The following RANBP17 variants were observed in gnomAD, a reference collection of about 807,000 sequenced individuals.
RANBP17 encodes ran-binding protein 17.
Under a neutral mutation model 141.2 loss-of-function variants are expected in RANBP17, and 158 were observed. The ratio of observed to expected loss-of-function variants is 1.12; its 90% CI spans 0.98 to 1.28. The LOEUF is 1.28. Among genes scored for constraint, RANBP17 ranks in the 50% most tolerant of loss-of-function variants. The probability of loss-of-function intolerance (pLI) is 0.00; values close to 1 mark genes in which losing one functional copy is unlikely to be tolerated. For missense variants in RANBP17, 1,438 were observed against 1,290.7 expected (o/e 1.11, Z -1.75); for synonymous variants, 430 against 450.0 (o/e 0.96, Z 0.56).
Position 171,213,802 on chromosome 5 carries a change from ACTTT to A in RANBP17, c.2339+69_2339+72del. ...ATTAGCGGAAATCTCCAACAGTCAG[ACTTT>A]CTTTTTTGGTTTGTGTCTTTCCAAG... On this transcript the variant is annotated intron_variant, in intron 21 of 27. Transcript: ENST00000523189. 3 of 1,247,858 alleles carry A rather than the reference ACTTT, an allele frequency of 2.4e-6. No individual in the cohort carries two copies. The Admixed American group carries it at 5.1e-5, about 21-fold the overall frequency. 77.3% of individuals were successfully genotyped at this position (1,247,858 alleles called of 1,614,324 possible).
Position 170,878,079 on chromosome 5 carries a change from AT to A in RANBP17, c.19-9del, listed in dbSNP as rs748957326. 8.5e-5 allele frequency: 129 copies of A among 1,514,718 alleles called. No individual in the cohort carries two copies. The highest frequency in any genetic ancestry group is 2.9e-4 in the South Asian group (22 of 76,088). The allele number at this position is 1,514,718 out of a possible 1,614,324, so 93.8% of individuals were successfully genotyped here. Reference sequence around the variant, plus strand: ...TTTTTTTCATTGAAGTAAAATGTTAATTTTTTTTTCTTTGAAGAGTTTGGCT... The same window carrying A: ...TTTTTTTCATTGAAGTAAAATGTTAATTTTTTTTCTTTGAAGAGTTTGGCT... On this transcript the variant is annotated splice_polypyrimidine_tract_variant and intron_variant, in intron 1 of 27. Coordinates refer to ENST00000523189, the MANE Select transcript of RANBP17 (RefSeq NM_022897.5).
In RANBP17 at chr5:170,968,272, C is replaced by T. The variant is rs959690504; in HGVS notation, c.1605C>T (p.Thr535=). ...TTCAGCTTATATCTTTAATGGATAC[C>T]GGATTGCCTCGATGTTGTAATGAGA... ...RVFQLISLMD[T]GLPRCCNEKI... The change falls in exon 14 of 28, where the codon ACC becomes ACT. Residue 535 remains threonine, a synonymous_variant. Transcript: ENST00000523189. 1.8e-5 allele frequency: 28 copies of T among 1,596,566 alleles called. No individual in the cohort carries two copies. Among genetic ancestry groups the T allele is most frequent in the African/African-American group, 1.1e-4 (8 of 73,764 alleles).
At chr5:171,163,325 T>C (rs754725491) in intron 14 of RANBP17, among the ~76,000 whole-genome samples, 43 of 152,222 alleles carry the variant, frequency 2.8e-4, no homozygotes, top group Non-Finnish European at 5.4e-4. Flanking sequence ...TCTCTTGTTA[T>C]GGTGATAAGT....
At chr5:171,171,983 A>G (rs1378587344) in intron 16 of RANBP17, among the ~76,000 whole-genome samples, 4 of 152,000 alleles carry the variant, frequency 2.6e-5, no homozygotes, top group African/African-American at 4.8e-5. Flanking sequence ...AGAGAGAATC[A>G]TGTAGATTTT....
intron 14 of RANBP17, among the ~76,000 whole-genome samples, chr5:171,162,192 C>T (rs975004866): frequency 6.6e-6 from 1 of 152,138 alleles, no homozygotes; most frequent in Non-Finnish European, 1.5e-5. Context: ...ATGGCTTTAT[C>T]CATAGAAGAC....
chr5:171,050,076 A>G (rs1163524416), intron 14 of RANBP17, among the ~76,000 whole-genome samples: 1 of 152,160 alleles, frequency 6.6e-6, no homozygotes, highest in East Asian at 1.9e-4. Flanking sequence ...CATTTTAACA[A>G]TATTAATTCT....
chr5:171,227,116 A>G (rs1217333668), intron 22 of RANBP17, among the ~76,000 whole-genome samples: 1 of 152,242 alleles, frequency 6.6e-6, no homozygotes, highest in Non-Finnish European at 1.5e-5. Flanking sequence ...AAGTGAAAGT[A>G]AGAGTTGTAC....
intron 14 of RANBP17, among the ~76,000 whole-genome samples, chr5:171,058,896 A>C (rs1023464876): frequency 5.3e-5 from 8 of 150,688 alleles, no homozygotes; most frequent in African/African-American, 1.7e-4. Context: ...TTTGATTTGC[A>C]TTTCTCTGAT....
intron 21 of RANBP17, among the ~76,000 whole-genome samples, chr5:171,214,350 A>ATT (rs1763088391): frequency 6.6e-6 from 1 of 152,228 alleles, no homozygotes; most frequent in African/African-American, 2.4e-5. Context: ...ACTGGCAGAA[A>ATT]TTCAAATATT....
intron 24 of RANBP17, 129 bp downstream of exon 24, chr5:171,242,949 A>G: frequency 1.2e-6 from 1 of 841,360 alleles, no homozygotes; most frequent in Non-Finnish European, 1.9e-6. Context: ...AAAGATTATA[A>G]TTATTACTTG....
At chr5:171,181,686 A>G (rs908660302) in intron 16 of RANBP17, among the ~76,000 whole-genome samples, 2 of 152,210 alleles carry the variant, frequency 1.3e-5, no homozygotes, top group Non-Finnish European at 2.9e-5. Flanking sequence ...TATAAATCAT[A>G]CTAATTGTTT....
chr5:171,255,198 A>G (rs986863800), intron 24 of RANBP17, among the ~76,000 whole-genome samples: 7 of 152,168 alleles, frequency 4.6e-5, no homozygotes, highest in Admixed American at 2.0e-4. Context: ...AATGTGGGGA[A>G]AGTCAGGGCA....
intron 5 of RANBP17, among the ~76,000 whole-genome samples, chr5:170,900,026 C>T (rs1403596187): frequency 2.6e-5 from 4 of 152,050 alleles, no homozygotes; most frequent in Non-Finnish European, 4.4e-5. Flanking sequence ...TGATGCTGGC[C>T]TCATAAAATG....
At chr5:171,142,139 A>G (rs1449477431) in intron 14 of RANBP17, among the ~76,000 whole-genome samples, 1 of 152,134 alleles carries the variant, frequency 6.6e-6, no homozygotes, top group Non-Finnish European at 1.5e-5. Flanking sequence ...TGTTACGGGC[A>G]TGAGTTTACT....
intron 14 of RANBP17, among the ~76,000 whole-genome samples, chr5:171,017,220 G>A (rs1015582878): frequency 6.6e-5 from 10 of 152,242 alleles, no homozygotes; most frequent in African/African-American, 2.4e-4. Context: ...AAACATGTGT[G>A]CATGTGTCTT....
chr5:171,177,724 G>C (rs868726458), intron 16 of RANBP17, among the ~76,000 whole-genome samples: 3 of 151,974 alleles, frequency 2.0e-5, no homozygotes, highest in African/African-American at 7.3e-5. Context: ...CTTTCAAGTC[G>C]TGGTTTATTT....
intron 5 of RANBP17, chr5:170,904,261 A>C (rs533108454): frequency 3.8e-6 from 1 of 265,460 alleles, no homozygotes; most frequent in African/African-American, 2.3e-5. Context: ...CATTCATGGA[A>C]ATGAAAGAGA....
intron 14 of RANBP17, among the ~76,000 whole-genome samples, chr5:171,162,986 T>G (rs1759454303): frequency 6.6e-6 from 1 of 152,242 alleles, no homozygotes; most frequent in South Asian, 2.1e-4. Context: ...CCACAGATGG[T>G]GGGTTCAGAT....
At chr5:170,957,788 A>T (rs1775835768) in intron 13 of RANBP17, among the ~76,000 whole-genome samples, 1 of 152,190 alleles carries the variant, frequency 6.6e-6, no homozygotes, top group African/African-American at 2.4e-5. Flanking sequence ...CAGTGGGAGT[A>T]CTGTGAATAC....
Sources: allele counts gnomAD v4.1 joint callset (sites outside exome capture counted in the v4.1 genomes callset), GRCh38; gene constraint gnomAD v4.1.1; transcripts MANE v1.5; gene names NCBI Gene and HGNC (gene_info 2026-07-23, HGNC 2026-07-21).